Variants in WWOX observed in about 807,000 individuals in gnomAD.
The protein encoded by WWOX is WW domain containing oxidoreductase.
In WWOX, 69 loss-of-function variants were observed where a neutral mutation model predicts 46.2. The observed-to-expected ratio is 1.49, with a 90% CI of 1.23 to 1.82. The LOEUF is 1.82. WWOX is among the 40% of genes most tolerant of loss of function. The probability of loss-of-function intolerance (pLI) is 0.00; values close to 1 mark genes in which losing one functional copy is unlikely to be tolerated. For synonymous variants in WWOX, 359 were observed against 202.6 expected (o/e 1.77, Z -6.56); for missense variants, 919 against 542.6 (o/e 1.69, Z -6.89).
At chr16:78,406,303 AATATAT>A (rs532594425) in intron 6 of WWOX, among the ~76,000 whole-genome samples, 2,579 of 57,344 alleles carry the variant, frequency 0.045, 33 homozygotes, top group Non-Finnish European at 0.066. Flanking sequence ...TATAAATATA[AATATAT>A]ATATATATAT....
chr16:78,290,240 A>G (rs1567480389), intron 5 of WWOX, among the ~76,000 whole-genome samples: 1 of 150,594 alleles, frequency 6.6e-6, no homozygotes, highest in East Asian at 1.9e-4. Flanking sequence ...CTCTGCGAGC[A>G]CTCTGCGAGC....
intron 6 of WWOX, among the ~76,000 whole-genome samples, chr16:78,406,308 ATATATATATAT>A (rs2082535052): frequency 9.9e-5 from 2 of 20,202 alleles, no homozygotes; most frequent in Non-Finnish European, 1.6e-4. Context: ...ATATAAATAT[ATATATATATAT>A]ATATATATAT....
At chr16:78,364,570 G>GAA (rs5818133) in intron 5 of WWOX, among the ~76,000 whole-genome samples, 24 of 150,856 alleles carry the variant, frequency 1.6e-4, no homozygotes, top group Non-Finnish European at 3.1e-4. Context: ...AAATGGGAAA[G>GAA]AAAAAAAAAA....
chr16:78,120,027 A>C (rs1187272082), intron 4 of WWOX, among the ~76,000 whole-genome samples: 3 of 152,130 alleles, frequency 2.0e-5, no homozygotes, highest in African/African-American at 4.8e-5. Context: ...ATTAACAGAA[A>C]CAAAACTTTT....
At chr16:78,558,520 A>G (rs1230507811) in intron 8 of WWOX, among the ~76,000 whole-genome samples, 2 of 152,360 alleles carry the variant, frequency 1.3e-5, no homozygotes, top group Non-Finnish European at 2.9e-5. Context: ...TAGCTGGGGC[A>G]TGTGCCCTGT....
chr16:78,812,213 G>C (rs1363100468), intron 8 of WWOX, among the ~76,000 whole-genome samples: 1 of 152,018 alleles, frequency 6.6e-6, no homozygotes, highest in Non-Finnish European at 1.5e-5. Context: ...TAAAAGACAA[G>C]ATGACATCCC....
chr16:78,969,636 C>G (rs1478457814), intron 8 of WWOX, among the ~76,000 whole-genome samples: 2 of 152,046 alleles, frequency 1.3e-5, no homozygotes, highest in Admixed American at 1.3e-4. Context: ...ATGCAAGGTG[C>G]TGTTTATGAA....
At position 78,542,014 on chromosome 16, in the gene WWOX, A is replaced by G. The variant is rs867843187; in HGVS notation, c.1056+109262A>G. On this transcript the variant is annotated intron_variant, in intron 8 of 8. Coordinates refer to ENST00000566780, the MANE Select transcript of WWOX (RefSeq NM_016373.4). ...ACCAGAGGGTTTCTTTCAACAGAGT[A>G]TACCAAAAAAAAAAAAAAAAAAAAA... is the stretch of plus-strand genomic sequence containing the variant. 3.3e-4 allele frequency among the ~76,000 whole-genome samples: 41 copies of G among 124,222 alleles called. 1 individual carries two copies. The highest frequency in any genetic ancestry group is 1.1e-3 in the African/African-American group (38 of 34,254). The allele number at this position is 124,222 out of a possible 152,430, so 81.5% of individuals were successfully genotyped here. A position where few individuals can be genotyped will look rare whatever the true frequency, so the allele number is the denominator to read the frequency against.
chr16:78,568,672 G>A (rs1013794437), intron 8 of WWOX, among the ~76,000 whole-genome samples: 1 of 151,712 alleles, frequency 6.6e-6, no homozygotes, highest in Non-Finnish European at 1.5e-5. Context: ...GTGGGGTTTC[G>A]CCATGTTGGC....
Position 78,188,294 on chromosome 16 carries a change from C to T in WWOX, c.516+24005C>T, listed in dbSNP as rs111533479. Among the ~76,000 whole-genome samples, 797 of 152,132 alleles carry T rather than the reference C, an allele frequency of 5.2e-3. 7 individuals are homozygous for T. The highest frequency in any genetic ancestry group is 0.018 in the African/African-American group (756 of 41,510). The stretch of plus-strand genomic sequence containing the variant: ...CACGAGGTCAGGAGATCGAGACCAT[C>T]CTGGCTAACACGGTGAAACCCCGTC... On this transcript the variant is annotated intron_variant, in intron 5 of 8. Coordinates refer to ENST00000566780, the MANE Select transcript of WWOX (RefSeq NM_016373.4).
intron 5 of WWOX, among the ~76,000 whole-genome samples, chr16:78,259,404 GC>G (rs1357818273): frequency 6.6e-5 from 10 of 152,162 alleles, no homozygotes; most frequent in African/African-American, 2.4e-4. Flanking sequence ...TCGGCTGACT[GC>G]AACCTCTGCC....
intron 8 of WWOX, among the ~76,000 whole-genome samples, chr16:78,725,334 CTTTTCTTTTCTTT>C (rs1197378920): frequency 3.2e-5 from 3 of 94,098 alleles, no homozygotes; most frequent in East Asian, 3.0e-4. Flanking sequence ...TTTTTCTTTT[CTTTTCTTTTCTTT>C]TTTTTTTTTT....
chr16:79,168,825 ACTCT>A (rs1213959506), intron 8 of WWOX, among the ~76,000 whole-genome samples: 1 of 151,780 alleles, frequency 6.6e-6, no homozygotes, highest in African/African-American at 2.4e-5. Flanking sequence ...ACCAGAATTC[ACTCT>A]CTCCACACCT....
At chr16:78,953,276 C>G (rs1597199548) in intron 8 of WWOX, among the ~76,000 whole-genome samples, 1 of 151,728 alleles carries the variant, frequency 6.6e-6, no homozygotes, top group Non-Finnish European at 1.5e-5. Context: ...CTAAAACAAA[C>G]CAATAGCTCA....
intron 5 of WWOX, among the ~76,000 whole-genome samples, chr16:78,235,095 A>G (rs1014326511): frequency 1.3e-5 from 2 of 152,128 alleles, no homozygotes; most frequent in African/African-American, 2.4e-5. Flanking sequence ...GATGTTCGTG[A>G]TGTTAATGGA....
At chr16:78,686,317 C>G (rs2047857464) in intron 8 of WWOX, among the ~76,000 whole-genome samples, 1 of 152,132 alleles carries the variant, frequency 6.6e-6, no homozygotes, top group South Asian at 2.1e-4. Context: ...CCAGACCATC[C>G]TGGCTAAGTC....
At chr16:78,681,241 A>C (rs1346616032) in intron 8 of WWOX, among the ~76,000 whole-genome samples, 3 of 151,962 alleles carry the variant, frequency 2.0e-5, no homozygotes, top group African/African-American at 7.2e-5. Flanking sequence ...ACTGTCTCAT[A>C]AATAAATAAA....
intron 5 of WWOX, among the ~76,000 whole-genome samples, chr16:78,190,684 T>C (rs1180490719): frequency 6.6e-6 from 1 of 152,152 alleles, no homozygotes; most frequent in East Asian, 1.9e-4. Flanking sequence ...GAAAGTGTAT[T>C]GGATTTCAGA....
chr16:78,652,203 A>T (rs1007122347), intron 8 of WWOX, among the ~76,000 whole-genome samples: 5 of 151,686 alleles, frequency 3.3e-5, no homozygotes, highest in African/African-American at 4.8e-5. Flanking sequence ...CGAGGTCAAG[A>T]GATCGAGACC....
Sources: gnomAD v4.1 joint callset for allele counts (sites outside exome capture counted in the v4.1 genomes callset) on GRCh38, gnomAD v4.1.1 for gene constraint, MANE v1.5 for transcripts, NCBI Gene and HGNC (gene_info 2026-07-23, HGNC 2026-07-21) for gene names.